Variants in PRSS23 observed in about 807,000 individuals in gnomAD.
The protein encoded by PRSS23 is serine protease 23.
In PRSS23, 25 loss-of-function variants were observed where a neutral mutation model predicts 34.7. That is an observed-to-expected ratio of 0.72 (90% CI 0.53 to 1.01). PRSS23 has a LOEUF of 1.01. Among genes scored for constraint, PRSS23 ranks in the 50% least tolerant of loss-of-function variants. The pLI is 0.00. For synonymous variants in PRSS23, 176 were observed against 186.6 expected, an observed-to-expected ratio of 0.94 and a Z score of 0.46; for missense variants, 445 against 475.6, an observed-to-expected ratio of 0.94 and a Z score of 0.60.
At chr11:86,827,552 C>T (rs1565357600) in intron 2 of PRSS23, among the ~76,000 whole-genome samples, 2 of 152,222 alleles carry the variant, frequency 1.3e-5, no homozygotes, top group African/African-American at 4.8e-5. Context: ...AATGTGTTTG[C>T]TCTTCCTTTT....
chr11:86,840,017 C>T (rs1393544938), intron 2 of PRSS23, among the ~76,000 whole-genome samples: 2 of 151,596 alleles, frequency 1.3e-5, no homozygotes, highest in African/African-American at 2.4e-5. Context: ...GTAAAGACAT[C>T]GATGCTATGA....
intron 2 of PRSS23, among the ~76,000 whole-genome samples, chr11:86,847,848 C>T (rs1948499190): frequency 6.6e-6 from 1 of 152,150 alleles, no homozygotes; most frequent in Non-Finnish European, 1.5e-5. Flanking sequence ...TACGTACAGG[C>T]TTTCTTTGCC....
At chr11:86,800,285 C>T (rs766207297), upstream of PRSS23, 1 of 215,722 alleles carries the variant, frequency 4.6e-6, no homozygotes, top group Non-Finnish European at 7.9e-6. Flanking sequence ...TGCTGCCTGG[C>T]GCCGAGAGGC....
chr11:86,927,387 G>A (rs1949088606), intron 2 of PRSS23, among the ~76,000 whole-genome samples: 1 of 152,194 alleles, frequency 6.6e-6, no homozygotes, highest in African/African-American at 2.4e-5. Flanking sequence ...GATCTCAGAA[G>A]CTGACCCTGA....
At chr11:86,804,026 C>T (rs1948071435) in intron 1 of PRSS23, among the ~76,000 whole-genome samples, 1 of 152,120 alleles carries the variant, frequency 6.6e-6, no homozygotes, top group Admixed American at 6.5e-5. Flanking sequence ...CTGACCTGGA[C>T]TTACGTGATT....
intron 2 of PRSS23, among the ~76,000 whole-genome samples, chr11:86,830,372 C>G (rs927951120): frequency 6.6e-6 from 1 of 152,282 alleles, no homozygotes; most frequent in East Asian, 1.9e-4. Context: ...GGGAGTGACC[C>G]GATTTTCCAG....
At chr11:86,823,641 A>G (rs759306241) in intron 2 of PRSS23, 1 of 695,396 alleles carries the variant, frequency 1.4e-6, no homozygotes, top group South Asian at 1.5e-5. Flanking sequence ...AATGGTGCTT[A>G]AATCTTTTCA....
intron 1 of PRSS23, among the ~76,000 whole-genome samples, chr11:86,818,860 C>T (rs184128667): frequency 6.6e-5 from 10 of 152,290 alleles, no homozygotes; most frequent in African/African-American, 2.4e-4. Flanking sequence ...TCAATACATG[C>T]CATTAATGAT....
chr11:86,829,105 A>C (rs937807336), intron 2 of PRSS23, among the ~76,000 whole-genome samples: 3 of 152,162 alleles, frequency 2.0e-5, no homozygotes, highest in Non-Finnish European at 4.4e-5. Flanking sequence ...ACTTGGTTCC[A>C]TTCTCCCCGT....
intron 1 of PRSS23, among the ~76,000 whole-genome samples, chr11:86,818,643 T>C (rs987392217): frequency 3.3e-5 from 5 of 152,218 alleles, no homozygotes; most frequent in African/African-American, 1.2e-4. Context: ...CTGGACTGAC[T>C]TTTGCTCATT....
chr11:86,849,800 C>T (rs2134916727), intron 2 of PRSS23, among the ~76,000 whole-genome samples: 1 of 152,222 alleles, frequency 6.6e-6, no homozygotes, highest in East Asian at 1.9e-4. Context: ...TGTTCTGCAC[C>T]TCAAAGATGC....
intron 2 of PRSS23, among the ~76,000 whole-genome samples, chr11:86,827,702 C>A (rs1306953734): frequency 1.3e-5 from 2 of 152,218 alleles, no homozygotes; most frequent in African/African-American, 4.8e-5. Context: ...TGTCTTTGTT[C>A]TCGTTGGTTT....
chr11:86,944,729 T>G (rs923915357), intron 2 of PRSS23, among the ~76,000 whole-genome samples: 1 of 152,242 alleles, frequency 6.6e-6, no homozygotes. Context: ...ACTTCGTAAT[T>G]ACTTAATGAA....
At chr11:86,807,572 C>A in intron 1 of PRSS23, 59 bp from the exon 2 acceptor site, 1 of 1,425,588 alleles carries the variant, frequency 7.0e-7, no homozygotes, top group South Asian at 1.4e-5. Context: ...GCTTTGCTGT[C>A]TGCAGTAAAT....
intron 2 of PRSS23, among the ~76,000 whole-genome samples, chr11:86,830,640 C>T (rs922394833): frequency 1.3e-5 from 2 of 152,208 alleles, no homozygotes; most frequent in African/African-American, 4.8e-5. Context: ...CTTGGCTTGA[C>T]TCTGTAATAT....
At chr11:86,822,449 C>T (rs905599611) in intron 1 of PRSS23, among the ~76,000 whole-genome samples, 3 of 151,850 alleles carry the variant, frequency 2.0e-5, no homozygotes, top group East Asian at 1.9e-4. Context: ...AGTGAGACCT[C>T]GTCTCAACAC....
At chr11:86,942,998 T>C (rs1369961343) in intron 2 of PRSS23, among the ~76,000 whole-genome samples, 1 of 152,214 alleles carries the variant, frequency 6.6e-6, no homozygotes, top group Non-Finnish European at 1.5e-5. Context: ...AAATTATAAT[T>C]GCATGTGAAA....
At chr11:86,879,865 G>T (rs1948760572) in intron 2 of PRSS23, among the ~76,000 whole-genome samples, 1 of 146,922 alleles carries the variant, frequency 6.8e-6, no homozygotes, top group Admixed American at 6.8e-5. Context: ...CGTCCGGGAG[G>T]TGAGGGGCGC....
chr11:86,807,943 G>T lies in PRSS23; in HGVS notation c.300G>T (p.Gln100His). The T allele has an allele frequency of 1.2e-6, 2 of 1,614,148 alleles. No homozygotes were observed. The highest frequency in any genetic ancestry group is 1.7e-6 in the Non-Finnish European group (2 of 1,180,030). The change falls in exon 2 of 2, where the codon CAG (glutamine) becomes CAT (histidine). Residue 100 changes from glutamine to histidine, a missense_variant. Physicochemically the swap from Gln to His is conservative, Grantham distance 24 (BLOSUM62 0). Transcript: ENST00000280258. ...CCAATGGCAGCCGCACAGAGACGCA[G>T]GTGGGCATCTACATCCTCAGCAGTA... ...LYANGSRTETQVGIYILSSSG... is the reference protein window; with the variant it reads ...LYANGSRTETHVGIYILSSSG...
Sources: gnomAD v4.1 joint callset for allele counts (sites outside exome capture counted in the v4.1 genomes callset) on GRCh38, gnomAD v4.1.1 for gene constraint, MANE v1.5 for transcripts, NCBI Gene and HGNC (gene_info 2026-07-23, HGNC 2026-07-21) for gene names.